RAB38: variants seen among roughly 807,000 people sequenced by gnomAD.
RAB38 encodes the protein ras-related protein Rab-38.
In RAB38, 15 loss-of-function variants were observed where a neutral mutation model predicts 18.4. That is an observed-to-expected ratio of 0.82 (90% CI 0.55 to 1.26). The LOEUF (loss-of-function observed/expected upper bound fraction) is 1.26. Among genes scored for constraint, RAB38 ranks in the 50% most tolerant of loss-of-function variants. RAB38 has a pLI of 0.00. For synonymous variants in RAB38, 101 were observed against 104.4 expected (o/e 0.97, Z 0.20); for missense variants, 294 against 267.4 (o/e 1.10, Z -0.69).
chr11:88,059,379 A>C, the RAB38 span, among the ~76,000 whole-genome samples: 547 of 152,294 alleles, frequency 3.6e-3, 7 homozygotes, highest in Middle Eastern at 0.014. Context: ...ACCTCTTGCT[A>C]ATGTGAGGGA....
the RAB38 span, among the ~76,000 whole-genome samples, chr11:87,910,784 G>C: frequency 1.1e-4 from 16 of 151,924 alleles, no homozygotes; most frequent in South Asian, 2.1e-3. Flanking sequence ...GGGATTACAG[G>C]CATGCACCAC....
At chr11:87,889,308 C>T in the RAB38 span, among the ~76,000 whole-genome samples, 8 of 151,888 alleles carry the variant, frequency 5.3e-5, no homozygotes, top group Non-Finnish European at 8.8e-5. Context: ...TTGCAATGAG[C>T]ACACATGACC....
chr11:87,950,656 G>A, the RAB38 span, among the ~76,000 whole-genome samples: 3 of 152,088 alleles, frequency 2.0e-5, no homozygotes, highest in Admixed American at 6.6e-5. Flanking sequence ...GCTTAGTTTG[G>A]CTGGATATGA....
chr11:87,849,048 A>T, the RAB38 span, among the ~76,000 whole-genome samples: 3 of 152,134 alleles, frequency 2.0e-5, no homozygotes, highest in East Asian at 5.8e-4. Context: ...TTCTCACAGG[A>T]CTTACTTCAG....
At chr11:87,888,352 T>C in the RAB38 span, among the ~76,000 whole-genome samples, 2 of 151,954 alleles carry the variant, frequency 1.3e-5, no homozygotes, top group Non-Finnish European at 2.9e-5. Flanking sequence ...TGCAATGCAG[T>C]ATAGTTGTGA....
the RAB38 span, among the ~76,000 whole-genome samples, chr11:87,811,034 AAG>A: frequency 6.3e-3 from 960 of 152,306 alleles, 8 homozygotes; most frequent in African/African-American, 0.022. Flanking sequence ...GAATGTCAAA[AAG>A]AGGGCGTTTA....
the RAB38 span, among the ~76,000 whole-genome samples, chr11:87,916,883 G>C: frequency 6.6e-6 from 1 of 152,044 alleles, no homozygotes; most frequent in African/African-American, 2.4e-5. Context: ...TATACATAGT[G>C]GACTGACTAA....
the RAB38 span, among the ~76,000 whole-genome samples, chr11:87,933,120 C>T: frequency 2.0e-4 from 31 of 152,166 alleles, no homozygotes; most frequent in African/African-American, 7.2e-4. Context: ...AATAAACTGA[C>T]TCAAGTTCCA....
chr11:88,174,860 C>A (rs1943363335), intron 1 of RAB38, among the ~76,000 whole-genome samples: 1 of 152,188 alleles, frequency 6.6e-6, no homozygotes, highest in African/African-American at 2.4e-5. Flanking sequence ...GAACTGCCCG[C>A]GCCCAGAAAA....
At chr11:88,012,450 ACTT>A in the RAB38 span, among the ~76,000 whole-genome samples, 1 of 152,148 alleles carries the variant, frequency 6.6e-6, no homozygotes, top group African/African-American at 2.4e-5. Flanking sequence ...AGTATATGGA[ACTT>A]ACTGGATTAT....
the RAB38 span, among the ~76,000 whole-genome samples, chr11:88,012,205 AGCTGAC>A: frequency 6.6e-6 from 1 of 152,192 alleles, no homozygotes; most frequent in Non-Finnish European, 1.5e-5. Context: ...TGATTAATGA[AGCTGAC>A]GATCACACAG....
At position 88,149,860 on chromosome 11, in the gene RAB38, C is replaced by T. The variant is rs753151478; in HGVS notation, c.298G>A (p.Ala100Thr). 7.4e-6 allele frequency: 12 copies of T among 1,614,050 alleles called. No individual in the cohort carries two copies. Among genetic ancestry groups the T allele is most frequent in the Non-Finnish European group, 9.3e-6 (11 of 1,180,002 alleles). Residue 100 changes from alanine (A) to threonine (T), a missense_variant, in exon 2 of 3, where the codon GCA (alanine) becomes ACA (threonine). Ala to Thr is a moderately conservative substitution (Grantham distance 58). Coordinates refer to ENST00000243662, the MANE Select transcript of RAB38 (RefSeq NM_022337.3). ...AAATCATTTTTCCACTTTGCCACTG[C>T]TTCAAATGTGGCTGGCCTGGTGACA... ...FDVTRPATFEAVAKWKNDLDS... is the reference protein window; with the variant it reads ...FDVTRPATFETVAKWKNDLDS...
At chr11:88,026,518 G>A in the RAB38 span, among the ~76,000 whole-genome samples, 6 of 133,456 alleles carry the variant, frequency 4.5e-5, no homozygotes, top group Admixed American at 2.7e-4. Flanking sequence ...AGCCAAGATC[G>A]CTCCACTGCA....
the RAB38 span, among the ~76,000 whole-genome samples, chr11:88,080,252 C>T: frequency 2.0e-5 from 3 of 151,632 alleles, no homozygotes; most frequent in South Asian, 4.1e-4. Context: ...TATTCATTCG[C>T]TAGCTACACA....
chr11:87,863,433 C>T, the RAB38 span, among the ~76,000 whole-genome samples: 2 of 151,876 alleles, frequency 1.3e-5, no homozygotes, highest in South Asian at 2.1e-4. Flanking sequence ...TATTGTGTCT[C>T]ACACTTCACC....
chr11:87,972,712 CTA>C, the RAB38 span, among the ~76,000 whole-genome samples: 1 of 152,042 alleles, frequency 6.6e-6, no homozygotes, highest in East Asian at 1.9e-4. Flanking sequence ...TATTTTTTAC[CTA>C]TATATTTGAG....
At chr11:87,910,305 T>C in the RAB38 span, among the ~76,000 whole-genome samples, 4,325 of 152,228 alleles carry the variant, frequency 0.028, 87 homozygotes, top group Non-Finnish European at 0.045. Flanking sequence ...ATGTTTTTCA[T>C]TGGGGTTGCA....
chr11:88,118,147 C>T (rs571526243), intron 2 of RAB38, among the ~76,000 whole-genome samples: 1 of 152,194 alleles, frequency 6.6e-6, no homozygotes, highest in Non-Finnish European at 1.5e-5. Flanking sequence ...AGCTCCCCCC[C>T]AAATATATCC....
chr11:88,044,525 G>C, the RAB38 span, among the ~76,000 whole-genome samples: 1 of 152,052 alleles, frequency 6.6e-6, no homozygotes, highest in Non-Finnish European at 1.5e-5. Context: ...CTACAATGCT[G>C]CTTGACCCCA....
Sources: allele counts gnomAD v4.1 joint callset (sites outside exome capture counted in the v4.1 genomes callset), GRCh38; gene constraint gnomAD v4.1.1; transcripts MANE v1.5; gene names NCBI Gene and HGNC (gene_info 2026-07-23, HGNC 2026-07-21).